DZIP1: variants seen among roughly 807,000 people sequenced by gnomAD.
The protein encoded by DZIP1 is DAZ interacting zinc finger protein 1, also known as cilium assembly protein DZIP1.
In DZIP1, 97 loss-of-function variants were observed where a neutral mutation model predicts 107.6. The ratio of observed to expected loss-of-function variants is 0.90; its 90% CI spans 0.77 to 1.07. DZIP1 has a LOEUF of 1.07. Among genes scored for constraint, DZIP1 ranks in the 50% least tolerant of loss-of-function variants. DZIP1 has a pLI of 0.00. For missense variants in DZIP1, 1,035 were observed against 1,063.6 expected, an observed-to-expected ratio of 0.97 and a Z score of 0.37; for synonymous variants, 390 against 386.4, an observed-to-expected ratio of 1.01 and a Z score of -0.11.
chr13:95,600,587 AGAT>A (rs202070881), intron 14 of DZIP1, among the ~76,000 whole-genome samples: 14 of 104,084 alleles, frequency 1.3e-4, no homozygotes, highest in East Asian at 3.0e-4. Context: ...ATAGATAGAT[AGAT>A]GATAGATAGA....
rs767938282 is a variant in DZIP1 at position 95,586,120 on chromosome 13, T to A, written c.2235A>T (p.Thr745=). ...SPKPAGVAVK[T]PTEKVEKMFP... ...ACATCTTTTCAACTTTTTCAGTAGG[T>A]GTTTTAACGGCGACTCCTATAAGAT... Residue 745 remains threonine, a synonymous_variant, in exon 21 of 23, where the codon ACA becomes ACT. Coordinates refer to ENST00000376829, the MANE Select transcript of DZIP1 (RefSeq NM_198968.4). The A allele has an allele frequency of 2.5e-6, 4 of 1,610,378 alleles. No homozygotes were observed. The African/African-American group carries it at 5.4e-5, about 22-fold the overall frequency.
intron 6 of DZIP1, 129 bp from the exon 7 acceptor site, chr13:95,630,242 T>G: frequency 1.6e-6 from 2 of 1,217,478 alleles, no homozygotes; most frequent in South Asian, 3.2e-5. Flanking sequence ...ACTTGTTTCA[T>G]GCCACATGAG....
intron 10 of DZIP1, among the ~76,000 whole-genome samples, chr13:95,618,667 G>A (rs17235320): frequency 0.097 from 14,696 of 152,148 alleles, 899 homozygotes; most frequent in East Asian, 0.23. Flanking sequence ...CCACTTTGGA[G>A]AAATATAAGC....
In DZIP1 at chr13:95,590,318, C is replaced by T. The variant is rs199814470; in HGVS notation, c.1804G>A (p.Val602Ile). 371 of 1,613,842 alleles carry T rather than the reference C, an allele frequency of 2.3e-4. No individual in the cohort carries two copies. Among genetic ancestry groups the T allele is most frequent in the Non-Finnish European group, 3.0e-4 (355 of 1,179,886 alleles). The change falls in exon 17 of 23, where the codon GTC becomes ATC. Residue 602 changes from valine (V) to isoleucine (I), a missense_variant. Coordinates refer to ENST00000376829, the MANE Select transcript of DZIP1 (RefSeq NM_198968.4). ...GCTTTCTCCTCAATTTTACAGCTGACTTGATGTTCAAGGAATTCTCGAATT... is the reference window on the plus strand; with the variant it reads ...GCTTTCTCCTCAATTTTACAGCTGATTTGATGTTCAAGGAATTCTCGAATT... ...HQIREFLEHQ[V>I]SCKIEEKALL...
Position 95,593,958 on chromosome 13 carries a change from A to G in DZIP1, c.1666T>C (p.Leu556=). The G allele has an allele frequency of 1.2e-6, 2 of 1,607,148 alleles. No individual in the cohort carries two copies. The highest frequency in any genetic ancestry group is 1.7e-4 in the Middle Eastern group (1 of 6,036). Reference sequence around the variant, plus strand: ...AATGAACATACTGCATTAATCCCCAAGGTTTCCAGTTTCTCCATCAAGTTC... The same window carrying G: ...AATGAACATACTGCATTAATCCCCAGGGTTTCCAGTTTCTCCATCAAGTTC... ...EQNLMEKLET[L]GINADIRGIS... Residue 556 remains leucine (L), a synonymous_variant, in exon 16 of 23, where the codon TTG becomes CTG. Coordinates refer to ENST00000376829, the MANE Select transcript of DZIP1 (RefSeq NM_198968.4).
At chr13:95,590,633 A>C (rs538922429) in intron 16 of DZIP1, among the ~76,000 whole-genome samples, 192 bp from the exon 17 acceptor site, 2 of 152,222 alleles carry the variant, frequency 1.3e-5, no homozygotes, top group Non-Finnish European at 2.9e-5. Context: ...CACATAAGGC[A>C]TGCATATGTT....
chr13:95,589,283 G>A (rs966497295), intron 18 of DZIP1, 76 bp from the exon 19 acceptor site: 1 of 1,238,960 alleles, frequency 8.1e-7, no homozygotes, highest in Non-Finnish European at 1.1e-6. Context: ...CTATGGAACT[G>A]GTGATTTTTG....
intron 6 of DZIP1, among the ~76,000 whole-genome samples, chr13:95,630,487 T>C (rs9561917): frequency 6.6e-6 from 1 of 152,154 alleles, no homozygotes; most frequent in South Asian, 2.1e-4. Context: ...AAGCAACAGC[T>C]TCCTCTGCAG....
intron 6 of DZIP1, among the ~76,000 whole-genome samples, chr13:95,631,100 A>T (rs1446807397): frequency 1.3e-5 from 2 of 152,190 alleles, no homozygotes; most frequent in Admixed American, 6.5e-5. Flanking sequence ...CCCAAACTGG[A>T]GGGAAATGCA....
chr13:95,619,418 A>C lies in DZIP1; in HGVS notation c.1173+467T>G, dbSNP rs148532232. On this transcript the variant is annotated intron_variant, in intron 10 of 22. Transcript: ENST00000376829. ...TGAATATTATCCCTAATACCTGCCA[A>C]CCTACTCTTAATCAGTGGTGGAAGA... Among the ~76,000 whole-genome samples, 669 of 152,336 alleles carry C rather than the reference A, an allele frequency of 4.4e-3. 8 individuals are homozygous for C. Among genetic ancestry groups the C allele is most frequent in the African/African-American group, 0.015 (644 of 41,572 alleles).
intron 16 of DZIP1, among the ~76,000 whole-genome samples, chr13:95,592,584 T>A (rs901290957): frequency 2.0e-5 from 3 of 152,326 alleles, no homozygotes; most frequent in Middle Eastern, 3.4e-3. Flanking sequence ...TGGCAACAGC[T>A]ACTGTACTAA....
intron 6 of DZIP1, chr13:95,630,655 G>A (rs886693066): frequency 2.6e-6 from 3 of 1,161,322 alleles, no homozygotes; most frequent in Non-Finnish European, 3.3e-6. Context: ...GTGAGGTACT[G>A]AAAAGTTGTA....
At chr13:95,600,854 T>A (rs994761126) in intron 14 of DZIP1, among the ~76,000 whole-genome samples, 12 of 152,224 alleles carry the variant, frequency 7.9e-5, no homozygotes, top group Non-Finnish European at 1.8e-4. Flanking sequence ...GTACCACAAC[T>A]GCTGACCACC....
chr13:95,640,825 A>G (rs1246882077), intron 5 of DZIP1, among the ~76,000 whole-genome samples: 1 of 152,202 alleles, frequency 6.6e-6, no homozygotes, highest in Admixed American at 6.5e-5. Context: ...GGAAAATGTT[A>G]ATAATGGGGG....
intron 9 of DZIP1, among the ~76,000 whole-genome samples, chr13:95,620,948 C>CA (rs1336486336): frequency 6.6e-6 from 1 of 152,210 alleles, no homozygotes; most frequent in African/African-American, 2.4e-5. Context: ...TACCATATAC[C>CA]AGGCACCTCA....
chr13:95,637,574 T>TA (rs1489652106), intron 5 of DZIP1, among the ~76,000 whole-genome samples: 1 of 150,234 alleles, frequency 6.7e-6, no homozygotes, highest in Non-Finnish European at 1.5e-5. Context: ...CCCTTCACTT[T>TA]AAAAAAAGAA....
intron 22 of DZIP1, among the ~76,000 whole-genome samples, chr13:95,584,426 G>T (rs534562658): frequency 1.3e-5 from 2 of 152,032 alleles, no homozygotes; most frequent in Admixed American, 1.3e-4. Flanking sequence ...AGCCTAGAAG[G>T]TTAAGGTTGC....
chr13:95,641,621 C>T lies in DZIP1; in HGVS notation c.271G>A (p.Glu91Lys). 6.2e-6 allele frequency: 10 copies of T among 1,611,966 alleles called. No individual in the cohort carries two copies. Among genetic ancestry groups the T allele is most frequent in the East Asian group, 2.2e-5 (1 of 44,882 alleles). The change falls in exon 5 of 23, where the codon GAG (glutamate) becomes AAG (lysine). Residue 91 changes from glutamate (E) to lysine (K), a missense_variant. Glu to Lys is a moderately conservative substitution (Grantham distance 56, BLOSUM62 1). Coordinates refer to ENST00000376829, the MANE Select transcript of DZIP1 (RefSeq NM_198968.4). This position sits in a 1 kb window ranked among gnomAD's most constrained non-coding sequence, Gnocchi z 4.3. ...AGAVDVLTLQENIMNITFCKL... is the reference protein window; with the variant it reads ...AGAVDVLTLQKNIMNITFCKL... ...CAGAAGGTGATGTTCATGATGTTCT[C>T]CTGCAGCGTCAGCACGTCCACAGCC...
At chr13:95,603,813 T>G (rs900572618) in intron 14 of DZIP1, among the ~76,000 whole-genome samples, 4 of 152,162 alleles carry the variant, frequency 2.6e-5, no homozygotes, top group Non-Finnish European at 5.9e-5. Context: ...CCTGTACCGT[T>G]TAGCTTGTGT....
Sources: allele counts gnomAD v4.1 joint callset (sites outside exome capture counted in the v4.1 genomes callset), GRCh38; gene constraint gnomAD v4.1.1; non-coding constraint Gnocchi (gnomAD v3.1); transcripts MANE v1.5; gene names NCBI Gene and HGNC (gene_info 2026-07-23, HGNC 2026-07-21).